Variants in TBC1D5 observed in about 807,000 individuals in gnomAD.
TBC1D5 encodes TBC1 domain family, member 5.
A neutral mutation model predicts 100.3 loss-of-function variants in TBC1D5; 75 were observed. That is an observed-to-expected ratio of 0.75 (90% CI 0.62 to 0.91). The LOEUF (loss-of-function observed/expected upper bound fraction) is 0.91. TBC1D5 is among the 40% of genes least tolerant of loss of function. The probability of loss-of-function intolerance (pLI) is 0.00; values close to 1 mark genes in which losing one functional copy is unlikely to be tolerated. For missense variants in TBC1D5, 910 were observed against 942.4 expected, an observed-to-expected ratio of 0.97 and a Z score of 0.45; for synonymous variants, 323 against 325.6, an observed-to-expected ratio of 0.99 and a Z score of 0.09.
intron 21 of TBC1D5, among the ~76,000 whole-genome samples, chr3:17,163,077 G>A (rs115997803): frequency 0.012 from 1,855 of 152,256 alleles, 17 homozygotes; most frequent in Non-Finnish European, 0.017. Context: ...CAGTGAAGAC[G>A]TCAGTGAGAT....
chr3:17,389,488 A>C (rs911861146), intron 8 of TBC1D5, among the ~76,000 whole-genome samples: 5 of 152,100 alleles, frequency 3.3e-5, no homozygotes, highest in Non-Finnish European at 7.4e-5. Flanking sequence ...ACACATTCTC[A>C]GAACCAGACC....
At chr3:17,487,135 G>A (rs1228886046) in intron 3 of TBC1D5, among the ~76,000 whole-genome samples, 4 of 152,104 alleles carry the variant, frequency 2.6e-5, no homozygotes, top group Non-Finnish European at 5.9e-5. Context: ...ACACCAATCT[G>A]TTTATTTATT....
intron 1 of TBC1D5, among the ~76,000 whole-genome samples, chr3:17,704,397 A>C (rs1293895056): frequency 2.0e-5 from 3 of 151,624 alleles, no homozygotes; most frequent in Admixed American, 6.6e-5. Flanking sequence ...TCCACAAAGC[A>C]GCCATTGTCA....
intron 1 of TBC1D5, among the ~76,000 whole-genome samples, chr3:17,732,497 T>A (rs2076646770): frequency 6.6e-6 from 1 of 151,996 alleles, no homozygotes. Flanking sequence ...GGCGGATGGA[T>A]CACCTGAGGT....
chr3:17,570,572 G>T (rs1165377841), intron 2 of TBC1D5, among the ~76,000 whole-genome samples: 2 of 151,938 alleles, frequency 1.3e-5, no homozygotes, highest in Non-Finnish European at 2.9e-5. Flanking sequence ...ACATTTTACT[G>T]TATGTATTGT....
intron 1 of TBC1D5, among the ~76,000 whole-genome samples, chr3:17,685,296 G>T (rs538303557): frequency 2.0e-5 from 3 of 151,842 alleles, no homozygotes; most frequent in African/African-American, 7.2e-5. Context: ...ATCAAAACTA[G>T]TCAGTAACAA....
At chr3:17,428,495 C>A in exon 4 of TBC1D5, 1 of 1,509,220 alleles carries the variant, frequency 6.6e-7, no homozygotes, top group Non-Finnish European at 8.9e-7. Context: ...AGAACTTGTT[C>A]TTCTTCCATT....
intron 2 of TBC1D5, among the ~76,000 whole-genome samples, chr3:17,590,275 A>G (rs1041968759): frequency 8.5e-5 from 13 of 152,324 alleles, no homozygotes; most frequent in Non-Finnish European, 1.9e-4. Flanking sequence ...ACAGAGTTAG[A>G]TCAGGCTGAA....
intron 2 of TBC1D5, chr3:17,524,543 C>T (rs558944961): frequency 2.1e-4 from 32 of 152,236 alleles, no homozygotes; most frequent in African/African-American, 7.5e-4. Context: ...TCAGGCAAGG[C>T]CCAGTGACTC....
At chr3:17,706,224 A>G in intron 1 of TBC1D5, 1 of 1,549,358 alleles carries the variant, frequency 6.5e-7, no homozygotes, top group Non-Finnish European at 8.7e-7. Flanking sequence ...CAGGCTGTGG[A>G]GGCGGCGGCC....
At chr3:17,401,420 T>C (rs1021667933) in intron 8 of TBC1D5, among the ~76,000 whole-genome samples, 1 of 151,540 alleles carries the variant, frequency 6.6e-6, no homozygotes, top group Non-Finnish European at 1.5e-5. Context: ...TGTGTATATA[T>C]CTTGCATTTT....
intron 14 of TBC1D5, among the ~76,000 whole-genome samples, chr3:17,302,479 G>A (rs1441338788): frequency 1.3e-5 from 2 of 152,122 alleles, no homozygotes; most frequent in Non-Finnish European, 2.9e-5. Flanking sequence ...TTTGTTGAGG[G>A]GGGGGATACA....
chr3:17,240,903 C>A (rs1021261187), intron 16 of TBC1D5, among the ~76,000 whole-genome samples: 1 of 152,146 alleles, frequency 6.6e-6, no homozygotes, highest in African/African-American at 2.4e-5. Flanking sequence ...AATGCATCTT[C>A]ATTACTACTA....
intron 3 of TBC1D5, among the ~76,000 whole-genome samples, chr3:17,434,512 G>T (rs1395060438): frequency 6.6e-6 from 1 of 152,160 alleles, no homozygotes; most frequent in Non-Finnish European, 1.5e-5. Context: ...CCAGGGCACG[G>T]CCCAACCATA....
intron 1 of TBC1D5, among the ~76,000 whole-genome samples, chr3:17,667,293 T>A (rs1171355623): frequency 6.6e-6 from 1 of 152,108 alleles, no homozygotes; most frequent in African/African-American, 2.4e-5. Context: ...GCCTCCAACT[T>A]ATAAAAATGA....
At chr3:17,187,256 G>A (rs2069248772) in intron 18 of TBC1D5, among the ~76,000 whole-genome samples, 1 of 152,160 alleles carries the variant, frequency 6.6e-6, no homozygotes, top group African/African-American at 2.4e-5. Context: ...GACTTGCATT[G>A]ATCCAGAGCA....
intron 1 of TBC1D5, among the ~76,000 whole-genome samples, chr3:17,635,716 A>G (rs892656847): frequency 6.6e-6 from 1 of 152,186 alleles, no homozygotes; most frequent in Non-Finnish European, 1.5e-5. Context: ...ATCCTAATGA[A>G]AAGGTAAAGA....
At chr3:17,371,281 T>G (rs73156313) in intron 13 of TBC1D5, among the ~76,000 whole-genome samples, 1 of 152,104 alleles carries the variant, frequency 6.6e-6, no homozygotes, top group South Asian at 2.1e-4. Flanking sequence ...GGAAAGAACA[T>G]GAATATTTTA....
chr3:17,643,382 C>T (rs1191479921), intron 1 of TBC1D5, among the ~76,000 whole-genome samples: 1 of 152,036 alleles, frequency 6.6e-6, no homozygotes, highest in Non-Finnish European at 1.5e-5. Flanking sequence ...CATAAAGTTA[C>T]TATTTTTCTC....
Sources: allele counts gnomAD v4.1 joint callset (sites outside exome capture counted in the v4.1 genomes callset), GRCh38; gene constraint gnomAD v4.1.1; transcripts MANE v1.5; gene names NCBI Gene and HGNC (gene_info 2026-07-23, HGNC 2026-07-21).